The following ANKRD22 variants were observed in gnomAD, a reference collection of about 807,000 sequenced individuals.
The protein encoded by ANKRD22 is ankyrin repeat domain-containing protein 22.
In ANKRD22, 24 loss-of-function variants were observed where a neutral mutation model predicts 25.7. The observed-to-expected ratio is 0.93, with a 90% CI of 0.68 to 1.31. ANKRD22 has a LOEUF of 1.31. ANKRD22 is among the 50% of genes most tolerant of loss of function. ANKRD22 has a pLI of 0.00. For missense variants in ANKRD22, 214 were observed against 227.1 expected (o/e 0.94, Z 0.37); for synonymous variants, 84 against 84.3 (o/e 1.00, Z 0.02).
In ANKRD22 at chr10:88,832,293, A is replaced by G. The variant is rs749784959; in HGVS notation, c.22-267T>C. Among the ~76,000 whole-genome samples the G allele has an allele frequency of 1.2e-3, 188 of 152,286 alleles. 2 individuals carry two copies. Among genetic ancestry groups the G allele is most frequent in the Non-Finnish European group, 2.5e-3 (167 of 68,020 alleles). On this transcript the variant is annotated intron_variant, in intron 1 of 5. Coordinates refer to ENST00000371930, the MANE Select transcript of ANKRD22 (RefSeq NM_144590.3). The stretch of plus-strand genomic sequence containing the variant: ...TGGATGAATAAATAAATGAAATACT[A>G]CAAATTCAACTCAGTAAGGAAACTA...
intron 4 of ANKRD22, 75 bp downstream of exon 4, chr10:88,825,963 G>A: frequency 8.0e-7 from 1 of 1,251,520 alleles, no homozygotes; most frequent in South Asian, 1.3e-5. Flanking sequence ...TAAAGCAACT[G>A]TACAGATGAC....
At chr10:88,825,998 T>G in intron 4 of ANKRD22, 40 bp downstream of exon 4, 11 of 1,517,158 alleles carry the variant, frequency 7.3e-6, no homozygotes, top group Non-Finnish European at 9.1e-6. Flanking sequence ...CAAATACCAT[T>G]TTGAATATTT....
At chr10:88,826,811 G>A (rs982562037) in intron 3 of ANKRD22, among the ~76,000 whole-genome samples, 1 of 152,084 alleles carries the variant, frequency 6.6e-6, no homozygotes, top group Non-Finnish European at 1.5e-5. Flanking sequence ...AATTTTACAT[G>A]TGTTTGTGCC....
At position 88,820,213 on chromosome 10, in the gene ANKRD22, A is replaced by C; in HGVS notation, c.*2728T>G. 6.5e-7 allele frequency: 1 copy of C among 1,538,032 alleles called. No homozygotes were observed. The highest frequency in any genetic ancestry group is 8.8e-7 in the Non-Finnish European group (1 of 1,140,900). On this transcript the variant is annotated 3_prime_UTR_variant, in exon 6 of 6. Coordinates refer to ENST00000371930, the MANE Select transcript of ANKRD22 (RefSeq NM_144590.3). ...AGTCCAAATGTTACCTAGAGTTAAG[A>C]ACTATTCCTTTTCTCTAGCCAACTC...
At chr10:88,828,710 T>G (rs1297383564) in intron 2 of ANKRD22, 44 bp from the exon 3 acceptor site, 1 of 1,433,776 alleles carries the variant, frequency 7.0e-7, no homozygotes, top group Non-Finnish European at 9.6e-7. Context: ...AGCATTTCAA[T>G]TCAAAATTTA....
intron 1 of ANKRD22, among the ~76,000 whole-genome samples, chr10:88,839,881 G>A (rs926873350): frequency 2.0e-5 from 3 of 152,084 alleles, no homozygotes; most frequent in Non-Finnish European, 2.9e-5. Flanking sequence ...TTTAAAACAC[G>A]ACCCAGGCCC....
At chr10:88,847,665 T>C (rs1208621648) in intron 1 of ANKRD22, among the ~76,000 whole-genome samples, 6 of 152,168 alleles carry the variant, frequency 3.9e-5, no homozygotes, top group African/African-American at 2.4e-5. Context: ...TTCCTTTTTT[T>C]TTCTTATCAC....
chr10:88,832,772 G>A (rs1843919416), intron 1 of ANKRD22, among the ~76,000 whole-genome samples: 2 of 152,272 alleles, frequency 1.3e-5, no homozygotes, highest in South Asian at 4.1e-4. Context: ...CACCATGGGA[G>A]TTTAATAGCA....
intron 2 of ANKRD22, among the ~76,000 whole-genome samples, chr10:88,831,435 T>C (rs1843902239): frequency 6.6e-6 from 1 of 152,212 alleles, no homozygotes; most frequent in South Asian, 2.1e-4. Flanking sequence ...GACATTAATA[T>C]AGCAGGTAAA....
At chr10:88,851,260 C>A (rs752953606) in intron 1 of ANKRD22, among the ~76,000 whole-genome samples, 1 of 152,034 alleles carries the variant, frequency 6.6e-6, no homozygotes, top group Non-Finnish European at 1.5e-5. Flanking sequence ...TTCTCTTTTT[C>A]TCTGAGTGTT....
chr10:88,835,334 T>C (rs1843943690), intron 1 of ANKRD22, among the ~76,000 whole-genome samples: 1 of 152,188 alleles, frequency 6.6e-6, no homozygotes, highest in South Asian at 2.1e-4. Context: ...AAGCTAAGTG[T>C]CTTCCTTCTC....
chr10:88,841,370 G>A (rs1844002619), intron 1 of ANKRD22, among the ~76,000 whole-genome samples: 1 of 151,978 alleles, frequency 6.6e-6, no homozygotes, highest in South Asian at 2.1e-4. Context: ...ACAAAAGGAG[G>A]GAGTAAGAGA....
intron 1 of ANKRD22, among the ~76,000 whole-genome samples, chr10:88,836,647 G>A (rs1424518110): frequency 1.3e-5 from 2 of 152,178 alleles, no homozygotes; most frequent in Non-Finnish European, 2.9e-5. Context: ...CTTCGCATTT[G>A]ATATTTGTGT....
chr10:88,820,339 T>G lies in ANKRD22; in HGVS notation c.*2602A>C. On this transcript the variant is annotated 3_prime_UTR_variant, in exon 6 of 6. Coordinates refer to ENST00000371930, the MANE Select transcript of ANKRD22 (RefSeq NM_144590.3). ...CAGAAGACGTGAAAATGCTGCTCTC[T>G]GAGGTGACCAACCTCATCTACCATA... The G allele has an allele frequency of 6.4e-7, 1 of 1,552,346 alleles. No individual in the cohort carries two copies. The highest frequency in any genetic ancestry group is 8.7e-7 in the Non-Finnish European group (1 of 1,147,136).
At position 88,838,125 on chromosome 10, in the gene ANKRD22, A is replaced by T. The variant is rs147340801; in HGVS notation, c.22-6099T>A. On this transcript the variant is annotated intron_variant, in intron 1 of 5. Transcript: ENST00000371930. ...AGCATGATGGGGAAGATTTTGGACCATCGTAATTAAAACTGTCTACATGAA... is the reference window on the plus strand; with the variant it reads ...AGCATGATGGGGAAGATTTTGGACCTTCGTAATTAAAACTGTCTACATGAA... Among the ~76,000 whole-genome samples the T allele has an allele frequency of 5.9e-5, 9 of 152,348 alleles. No homozygotes were observed. In the East Asian group the frequency reaches 1.7e-3, roughly 29 times the overall value.
intron 3 of ANKRD22, among the ~76,000 whole-genome samples, chr10:88,827,307 G>T (rs1843864653): frequency 6.6e-6 from 1 of 151,680 alleles, no homozygotes; most frequent in African/African-American, 2.4e-5. Context: ...ACAACTTTAG[G>T]CCCCATTAAT....
rs1021254990 is a variant in ANKRD22, at chr10:88,822,248, C to T, written c.*693G>A. ...ATTTCTGTGGTGTAAACACACTCAC[C>T]GCTGACACTTGATAGATGTTTTTAT... On this transcript the variant is annotated 3_prime_UTR_variant, in exon 6 of 6. Coordinates refer to ENST00000371930, the MANE Select transcript of ANKRD22 (RefSeq NM_144590.3). The T allele has an allele frequency of 5.9e-5, 9 of 152,124 alleles. No homozygotes were observed. Among genetic ancestry groups the T allele is most frequent in the South Asian group, 2.1e-4 (1 of 4,832 alleles). The allele number at this position is 152,124 out of a possible 1,614,324, so 9.4% of individuals were successfully genotyped here.
chr10:88,822,544 C>CTTTTTTTTTTTTTTTTTTTGTT lies in ANKRD22; in HGVS notation c.*396_*397insAACAAAAAAAAAAAAAAAAAAA. ...AAAGACTGAGTTTGGAACACCAGGG[C>CTTTTTTTTTTTTTTTTTTTGTT]TTTTTTTTTTTTTTTTTTTTTTGAG... On this transcript the variant is annotated 3_prime_UTR_variant, in exon 6 of 6. Transcript: ENST00000371930. The CTTTTTTTTTTTTTTTTTTTGTT allele has an allele frequency of 5.5e-5, 2 of 36,438 alleles. 1 individual carries two copies. The highest frequency in any genetic ancestry group is 1.2e-4 in the Non-Finnish European group (2 of 17,014). 2.3% of individuals were successfully genotyped at this position (36,438 alleles called of 1,614,324 possible). A position where few individuals can be genotyped will look rare whatever the true frequency, so the allele number is the denominator to read the frequency against.
intron 4 of ANKRD22, among the ~76,000 whole-genome samples, chr10:88,823,827 C>CAAAAAATAAAAAAAAAAAAAAA (rs1843826610): frequency 9.6e-6 from 1 of 103,804 alleles, no homozygotes; most frequent in African/African-American, 4.3e-5. Flanking sequence ...GACTCCGTCT[C>CAAAAAATAAAAAAAAAAAAAAA]AAAAAAAAAA....
Sources: allele counts gnomAD v4.1 joint callset (sites outside exome capture counted in the v4.1 genomes callset), GRCh38; gene constraint gnomAD v4.1.1; transcripts MANE v1.5; gene names NCBI Gene and HGNC (gene_info 2026-07-23, HGNC 2026-07-21).